The following UBE2K variants were observed in gnomAD, a reference collection of about 807,000 sequenced individuals.
UBE2K encodes the protein ubiquitin-conjugating enzyme E2 K.
A neutral mutation model predicts 30.0 loss-of-function variants in UBE2K; 6 were observed. The ratio of observed to expected loss-of-function variants is 0.20; its 90% CI spans 0.11 to 0.39. The LOEUF is 0.39. Among genes scored for constraint, UBE2K ranks in the 10% least tolerant of loss-of-function variants. UBE2K has a pLI of 1.00. For missense variants in UBE2K, 61 were observed against 241.6 expected (o/e 0.25, Z 4.96); for synonymous variants, 86 against 83.7 (o/e 1.03, Z -0.15).
At chr4:39,730,892 C>T (rs1482786328) in intron 1 of UBE2K, among the ~76,000 whole-genome samples, 1 of 149,408 alleles carries the variant, frequency 6.7e-6, no homozygotes, top group Non-Finnish European at 1.5e-5. Flanking sequence ...TCACTGCAAC[C>T]TCCGCCTCTC....
rs200653511 is a variant in UBE2K, at chr4:39,782,347, CTT to C, written c.*3914_*3915del. 1.7e-4 allele frequency: 32 copies of C among 186,936 alleles called. No individual in the cohort carries two copies. In the East Asian group the frequency reaches 3.9e-3, roughly 23 times the overall value. 11.6% of individuals were successfully genotyped at this position (186,936 alleles called of 1,614,324 possible). On this transcript the variant is annotated 3_prime_UTR_variant, in exon 7 of 7. Transcript: ENST00000261427. The stretch of plus-strand genomic sequence containing the variant: ...GACTATTTCTTTGGGGGGAAAGAGA[CTT>C]ATTTAATGTAATTTAAAAAACTTTT...
rs566377485 is a variant in UBE2K, at chr4:39,712,955, T to A, written c.63+14565T>A. Among the ~76,000 whole-genome samples, 7 of 151,672 alleles carry A rather than the reference T, an allele frequency of 4.6e-5. No individual in the cohort carries two copies. In the South Asian group the frequency reaches 1.5e-3, roughly 32 times the overall value. On this transcript the variant is annotated intron_variant, in intron 1 of 6. Coordinates refer to ENST00000261427, the MANE Select transcript of UBE2K (RefSeq NM_005339.5). ...ATCTTGGCTCGCTGCAACCTCTGCCTCCTGGGTTCAAGCGATTGTCCTGCC... is the reference window on the plus strand; with the variant it reads ...ATCTTGGCTCGCTGCAACCTCTGCCACCTGGGTTCAAGCGATTGTCCTGCC...
At chr4:39,711,492 A>C (rs953390578) in intron 1 of UBE2K, among the ~76,000 whole-genome samples, 1 of 151,900 alleles carries the variant, frequency 6.6e-6, no homozygotes, top group East Asian at 1.9e-4. Context: ...GTGATAGTGC[A>C]TGTTGTGCTA....
At chr4:39,757,077 G>A (rs539828415) in intron 4 of UBE2K, among the ~76,000 whole-genome samples, 2 of 138,252 alleles carry the variant, frequency 1.4e-5, no homozygotes, top group African/African-American at 5.1e-5. Context: ...CCAGGCTGGA[G>A]TGCAGTGGCA....
At chr4:39,760,197 A>G (rs1578488358) in intron 4 of UBE2K, among the ~76,000 whole-genome samples, 1 of 8,180 alleles carries the variant, frequency 1.2e-4, no homozygotes, top group Admixed American at 2.2e-3. Context: ...AAAAAACAGA[A>G]AAAAAAAAAA....
intron 1 of UBE2K, among the ~76,000 whole-genome samples, chr4:39,709,413 C>T (rs1718552227): frequency 6.6e-6 from 1 of 152,046 alleles, no homozygotes; most frequent in African/African-American, 2.4e-5. Context: ...CCACCCTTAT[C>T]TGCAGTTTGA....
intron 4 of UBE2K, among the ~76,000 whole-genome samples, chr4:39,759,483 C>T (rs893007896): frequency 5.3e-5 from 8 of 152,072 alleles, no homozygotes; most frequent in Non-Finnish European, 8.8e-5. Flanking sequence ...AGGGTTCCAC[C>T]GTGTTGGCCA....
intron 4 of UBE2K, among the ~76,000 whole-genome samples, chr4:39,769,314 T>G (rs530346900): frequency 1.3e-5 from 2 of 152,048 alleles, no homozygotes; most frequent in East Asian, 3.9e-4. Flanking sequence ...TAAAAAATGT[T>G]TTTTCTTAAA....
intron 1 of UBE2K, among the ~76,000 whole-genome samples, chr4:39,699,382 T>C (rs1220056431): frequency 1.3e-5 from 2 of 152,196 alleles, no homozygotes; most frequent in East Asian, 1.9e-4. Context: ...CATCTCCTTA[T>C]TGAGATTTAT....
chr4:39,769,500 T>A (rs1413675726), intron 4 of UBE2K, among the ~76,000 whole-genome samples: 1 of 151,220 alleles, frequency 6.6e-6, no homozygotes, highest in East Asian at 2.0e-4. Flanking sequence ...CGTCTTACTT[T>A]TTTCTCCCTC....
At chr4:39,751,982 A>T (rs1377833106) in intron 3 of UBE2K, among the ~76,000 whole-genome samples, 7 of 152,224 alleles carry the variant, frequency 4.6e-5, no homozygotes, top group Admixed American at 2.6e-4. Flanking sequence ...AAGTAAAAAA[A>T]TAAGATTAAA....
intron 3 of UBE2K, among the ~76,000 whole-genome samples, chr4:39,747,117 G>A (rs757824850): frequency 3.3e-5 from 5 of 152,140 alleles, no homozygotes; most frequent in Non-Finnish European, 7.4e-5. Flanking sequence ...GGCTCACTTA[G>A]CATTATGGGC....
intron 1 of UBE2K, among the ~76,000 whole-genome samples, chr4:39,715,094 C>T (rs553782684): frequency 1.1e-3 from 169 of 149,884 alleles, no homozygotes; most frequent in Non-Finnish European, 2.2e-3. Context: ...GGCGCGATCT[C>T]GGCTCACTGC....
intron 3 of UBE2K, among the ~76,000 whole-genome samples, chr4:39,752,981 C>T (rs1327137370): frequency 6.6e-6 from 1 of 152,108 alleles, no homozygotes; most frequent in African/African-American, 2.4e-5. Context: ...GATCGCACCA[C>T]TCCACTCCAG....
At chr4:39,771,318 G>A (rs1712812483) in intron 4 of UBE2K, 1 of 1,612,080 alleles carries the variant, frequency 6.2e-7, no homozygotes, top group Admixed American at 1.7e-5. Flanking sequence ...ACTTGAGGCT[G>A]TCGGCCACAA....
chr4:39,722,945 A>G (rs1434798465), intron 1 of UBE2K, among the ~76,000 whole-genome samples: 1 of 151,570 alleles, frequency 6.6e-6, no homozygotes, highest in African/African-American at 2.4e-5. Context: ...ACAGGCGCGC[A>G]CCACCACACC....
chr4:39,743,599 G>A (rs1469181057), intron 2 of UBE2K, among the ~76,000 whole-genome samples: 43 of 134,332 alleles, frequency 3.2e-4, no homozygotes, highest in Middle Eastern at 7.0e-3. Flanking sequence ...GCGAGACTCC[G>A]TCTCAAAAAA....
intron 3 of UBE2K, among the ~76,000 whole-genome samples, chr4:39,746,955 T>C (rs1024008583): frequency 1.3e-5 from 2 of 152,214 alleles, no homozygotes; most frequent in African/African-American, 2.4e-5. Flanking sequence ...ATAGGTCTTT[T>C]ACACCTATAT....
intron 2 of UBE2K, among the ~76,000 whole-genome samples, chr4:39,738,169 TTATA>T (rs1720479457): frequency 6.6e-6 from 1 of 152,212 alleles, no homozygotes; most frequent in Non-Finnish European, 1.5e-5. Flanking sequence ...TAAATTTAGA[TTATA>T]TAGCATATAA....
Sources: allele counts gnomAD v4.1 joint callset (sites outside exome capture counted in the v4.1 genomes callset), GRCh38; gene constraint gnomAD v4.1.1; transcripts MANE v1.5; gene names NCBI Gene and HGNC (gene_info 2026-07-23, HGNC 2026-07-21).